The following TRIO variants were observed in gnomAD, a reference collection of about 807,000 sequenced individuals.
TRIO encodes the protein trio Rho guanine nucleotide exchange factor, also known as triple functional domain protein.
TRIO carries 58 observed loss-of-function variants against 351.9 expected under a neutral mutation model. The observed-to-expected ratio is 0.16, with a 90% CI of 0.13 to 0.21. The LOEUF is 0.21. TRIO is among the 10% of genes least tolerant of loss of function. The probability of loss-of-function intolerance (pLI) is 1.00; values close to 1 mark genes in which losing one functional copy is unlikely to be tolerated. For missense variants in TRIO, 3,201 were observed against 4,027.8 expected, an observed-to-expected ratio of 0.79 and a Z score of 5.56; for synonymous variants, 1,758 against 1,595.7, an observed-to-expected ratio of 1.10 and a Z score of -2.42.
intron 1 of TRIO, among the ~76,000 whole-genome samples, chr5:14,216,185 G>A (rs1792210131): frequency 1.3e-5 from 2 of 152,184 alleles, no homozygotes; most frequent in South Asian, 2.1e-4. Context: ...CTGCACAGAC[G>A]TCTTTCCTTC....
chr5:14,220,859 A>C (rs953278613), intron 1 of TRIO, among the ~76,000 whole-genome samples: 5 of 152,238 alleles, frequency 3.3e-5, no homozygotes, highest in Non-Finnish European at 5.9e-5. Context: ...GCAACTGCTG[A>C]TGTGGAAGCT....
At chr5:14,315,306 A>G (rs1739284218) in intron 8 of TRIO, among the ~76,000 whole-genome samples, 1 of 146,384 alleles carries the variant, frequency 6.8e-6, no homozygotes, top group African/African-American at 2.6e-5. Context: ...GCTGGAGTGC[A>G]GTGGCACACG....
intron 16 of TRIO, among the ~76,000 whole-genome samples, chr5:14,367,274 G>A (rs893878082): frequency 6.6e-6 from 1 of 152,154 alleles, no homozygotes; most frequent in African/African-American, 2.4e-5. Flanking sequence ...AGGAGCCCTG[G>A]CAAGATGCAC....
At chr5:14,360,201 G>T (rs961253888) in intron 13 of TRIO, among the ~76,000 whole-genome samples, 1 of 152,156 alleles carries the variant, frequency 6.6e-6, no homozygotes, top group Non-Finnish European at 1.5e-5. Flanking sequence ...TTACCTAAAC[G>T]TGGACTTTTG....
chr5:14,422,796 A>G (rs191519439), intron 34 of TRIO, among the ~76,000 whole-genome samples: 3 of 152,350 alleles, frequency 2.0e-5, no homozygotes, highest in Non-Finnish European at 2.9e-5. Flanking sequence ...TGTGTCTGAA[A>G]CAAGACTCTG....
intron 22 of TRIO, 32 bp downstream of exon 22, chr5:14,387,664 T>C (rs1746661641): frequency 1.9e-6 from 3 of 1,608,736 alleles, no homozygotes; most frequent in Non-Finnish European, 8.5e-7. Flanking sequence ...GAATAAATTA[T>C]GGTCTTCTTC....
chr5:14,403,052 G>GA (rs1748235500), intron 31 of TRIO, among the ~76,000 whole-genome samples: 1 of 147,960 alleles, frequency 6.8e-6, no homozygotes, highest in African/African-American at 2.5e-5. Context: ...AGGTTGTGGT[G>GA]GGTTGTGAGG....
chr5:14,452,148 C>T (rs971171249), intron 34 of TRIO, among the ~76,000 whole-genome samples: 8 of 152,214 alleles, frequency 5.3e-5, no homozygotes, highest in African/African-American at 1.9e-4. Context: ...GGCTTGGTGA[C>T]CTTGTGGGGT....
In TRIO at chr5:14,304,555, A is replaced by T. The variant is rs1398362558; in HGVS notation, c.1463A>T (p.Gln488Leu). 1 of 1,614,156 alleles carries T rather than the reference A, an allele frequency of 6.2e-7. No individual in the cohort carries two copies. The highest frequency in any genetic ancestry group is 2.2e-5 in the East Asian group (1 of 44,892). The change falls in exon 8 of 57, where the codon CAG becomes CTG. Residue 488 changes from glutamine to leucine, a missense_variant. Transcript: ENST00000344204. ...CTAGAAGATGCCATTCATCACCACC[A>T]GGGAATATATGAACATATCACTCTT... ...QDLEDAIHHH[Q>L]GIYEHITLAY...
At chr5:14,423,523 A>G (rs1750354151) in intron 34 of TRIO, among the ~76,000 whole-genome samples, 1 of 152,224 alleles carries the variant, frequency 6.6e-6, no homozygotes, top group African/African-American at 2.4e-5. Context: ...CCAGTTCAAA[A>G]CATCCTCTTT....
Position 14,303,993 on chromosome 5 carries a change from G to T in TRIO, c.1369-468G>T, listed in dbSNP as rs868152507. On this transcript the variant is annotated intron_variant, in intron 7 of 56. Coordinates refer to ENST00000344204, the MANE Select transcript of TRIO (RefSeq NM_007118.4). ...TGGAACTTTTTCATTACATCTCAAT[G>T]AAAAAGGAAAGGAGTAAGGCTGACG... 2.8e-4 allele frequency among the ~76,000 whole-genome samples: 42 copies of T among 152,248 alleles called. No homozygotes were observed. In the South Asian group the frequency reaches 4.1e-3, roughly 15 times the overall value.
rs762518084 is a variant in TRIO, at chr5:14,492,641, G to A, written c.7707G>A (p.Glu2569=). The A allele has an allele frequency of 2.5e-6, 4 of 1,614,084 alleles. No individual in the cohort carries two copies. The highest frequency in any genetic ancestry group is 1.3e-5 in the African/African-American group (1 of 74,930). ...ATTACACGGCAGTGAAGGAGGATGA[G>A]ATCAACGTCTACCAAGGAGAGGTCG... ...THDYTAVKED[E]INVYQGEVVQ... is the part of the protein sequence containing the mutation. Residue 2569 remains glutamate (E), a synonymous_variant, in exon 49 of 57, where the codon GAG becomes GAA. Coordinates refer to ENST00000344204, the MANE Select transcript of TRIO (RefSeq NM_007118.4).
chr5:14,342,168 G>T (rs1741994366), intron 11 of TRIO, among the ~76,000 whole-genome samples: 1 of 152,158 alleles, frequency 6.6e-6, no homozygotes, highest in Non-Finnish European at 1.5e-5. Context: ...GAGGGTTCCT[G>T]GGAAGCAGGT....
chr5:14,288,755 C>T (rs905042766), intron 4 of TRIO, among the ~76,000 whole-genome samples: 17 of 152,074 alleles, frequency 1.1e-4, no homozygotes, highest in Non-Finnish European at 2.1e-4. Flanking sequence ...CATCCCTCTT[C>T]TACCTCTGCT....
intron 1 of TRIO, among the ~76,000 whole-genome samples, chr5:14,270,449 C>A (rs1159080952): frequency 6.6e-6 from 1 of 152,152 alleles, no homozygotes; most frequent in Non-Finnish European, 1.5e-5. Flanking sequence ...TTTTATAAAG[C>A]AGTGTTGCTG....
chr5:14,178,335 G>A (rs1332626797), intron 1 of TRIO, among the ~76,000 whole-genome samples: 1 of 152,206 alleles, frequency 6.6e-6, no homozygotes, highest in Non-Finnish European at 1.5e-5. Context: ...GCATAGAGAT[G>A]TTTGCACAGA....
intron 34 of TRIO, among the ~76,000 whole-genome samples, chr5:14,444,596 CAAA>C (rs1183835580): frequency 6.6e-6 from 1 of 152,106 alleles, no homozygotes; most frequent in Non-Finnish European, 1.5e-5. Context: ...AACAAACAAA[CAAA>C]AGAAGATAGA....
At chr5:14,368,981 A>C (rs1035392690) in intron 17 of TRIO, 82 bp downstream of exon 17, 10 of 1,475,994 alleles carry the variant, frequency 6.8e-6, no homozygotes, top group Non-Finnish European at 9.2e-6. Flanking sequence ...ATCATTGTTA[A>C]CATGTTCATC....
chr5:14,452,966 C>G (rs1486159712), intron 34 of TRIO, among the ~76,000 whole-genome samples: 2 of 152,140 alleles, frequency 1.3e-5, no homozygotes, highest in African/African-American at 2.4e-5. Flanking sequence ...AAAACAGCCT[C>G]TCTTGTCCTG....
Sources: allele counts gnomAD v4.1 joint callset (sites outside exome capture counted in the v4.1 genomes callset), GRCh38; gene constraint gnomAD v4.1.1; transcripts MANE v1.5; gene names NCBI Gene and HGNC (gene_info 2026-07-23, HGNC 2026-07-21).